The following LRP1B variants were observed in gnomAD, a reference collection of about 807,000 sequenced individuals.
The protein encoded by LRP1B is low-density lipoprotein receptor-related protein 1B.
LRP1B carries 217 observed loss-of-function variants against 556.6 expected under a neutral mutation model. The observed-to-expected ratio is 0.39, with a 90% CI of 0.35 to 0.44. The LOEUF (loss-of-function observed/expected upper bound fraction) is 0.44. LRP1B is among the 20% of genes least tolerant of loss of function. LRP1B has a pLI of 1.00. For synonymous variants in LRP1B, 2,047 were observed against 1,865.8 expected, an observed-to-expected ratio of 1.10 and a Z score of -2.50; for missense variants, 5,053 against 5,620.8, an observed-to-expected ratio of 0.90 and a Z score of 3.23.
rs568081593 is a variant in LRP1B at position 141,814,274 on chromosome 2, C to A, written c.83-3873G>T. On this transcript the variant is annotated intron_variant, in intron 1 of 90. Coordinates refer to ENST00000389484, the MANE Select transcript of LRP1B (RefSeq NM_018557.3). ...GGGTGTTTCCATATAGGGATGTGGGCTTTTTCTTATCTGGGGCCTACAGCT... is the reference window on the plus strand; with the variant it reads ...GGGTGTTTCCATATAGGGATGTGGGATTTTTCTTATCTGGGGCCTACAGCT... 4.9e-4 allele frequency among the ~76,000 whole-genome samples: 75 copies of A among 152,160 alleles called. 1 individual carries two copies. In the South Asian group the frequency reaches 0.014, roughly 29 times the overall value.
chr2:140,853,101 G>T (rs1476534710), intron 27 of LRP1B, among the ~76,000 whole-genome samples: 3 of 151,942 alleles, frequency 2.0e-5, no homozygotes, highest in Non-Finnish European at 4.4e-5. Flanking sequence ...AAGCAGGAAG[G>T]TCTCTGTGAC....
intron 87 of LRP1B, among the ~76,000 whole-genome samples, chr2:140,241,385 A>G (rs1680940726): frequency 6.6e-6 from 1 of 150,796 alleles, no homozygotes; most frequent in African/African-American, 2.4e-5. Flanking sequence ...TTTGTATAAA[A>G]TTGGTGGGTG....
At chr2:141,070,570 G>C (rs1699610680) in intron 7 of LRP1B, among the ~76,000 whole-genome samples, 2 of 151,980 alleles carry the variant, frequency 1.3e-5, no homozygotes, top group Admixed American at 6.6e-5. Context: ...CCAGGAGCTG[G>C]TTTTTTGAAA....
chr2:140,812,140 A>G (rs920630900), intron 32 of LRP1B, among the ~76,000 whole-genome samples: 3 of 152,166 alleles, frequency 2.0e-5, no homozygotes, highest in African/African-American at 7.2e-5. Context: ...ATTCTATCAC[A>G]TATCTGGAAA....
At chr2:141,573,518 C>T (rs914854888) in intron 2 of LRP1B, among the ~76,000 whole-genome samples, 15 of 151,444 alleles carry the variant, frequency 9.9e-5, no homozygotes, top group Middle Eastern at 3.4e-3. Flanking sequence ...GACACCCTAA[C>T]ATCACAATTA....
intron 21 of LRP1B, among the ~76,000 whole-genome samples, chr2:140,920,016 G>A (rs939273631): frequency 4.0e-5 from 6 of 151,698 alleles, no homozygotes; most frequent in Non-Finnish European, 7.4e-5. Context: ...TTCTTTACAC[G>A]AATTTCTACA....
At chr2:140,333,177 A>G (rs745992967) in intron 79 of LRP1B, among the ~76,000 whole-genome samples, 13 of 151,978 alleles carry the variant, frequency 8.6e-5, no homozygotes, top group Non-Finnish European at 1.6e-4. Flanking sequence ...CTCTTTCCTC[A>G]TATTCACTTC....
rs1355857143 is a variant in LRP1B, at chr2:142,130,725, G to C, written c.5C>G (p.Ser2Cys). 1 of 1,611,492 alleles carries C rather than the reference G, an allele frequency of 6.2e-7. No individual in the cohort carries two copies. Reference sequence around the variant, plus strand: ...AGTGAGTAAGGCGAGGAGAAACTCGGACATTGTGGTCGCCCGGTAAGGAAG... The same window carrying C: ...AGTGAGTAAGGCGAGGAGAAACTCGCACATTGTGGTCGCCCGGTAAGGAAG... M[S>C]EFLLALLTLS... The change falls in exon 1 of 91, where the codon TCC becomes TGC. Residue 2 changes from serine (S) to cysteine (C), a missense_variant. Ser to Cys is a moderately radical substitution (Grantham distance 112). This residue lies in a region of LRP1B where 3,619 missense variants were observed against 3,931.9 expected (regional missense o/e 0.92). Transcript: ENST00000389484.
intron 11 of LRP1B, among the ~76,000 whole-genome samples, chr2:141,022,257 TA>T (rs1374791593): frequency 2.0e-5 from 3 of 151,576 alleles, no homozygotes; most frequent in Non-Finnish European, 2.9e-5. Context: ...TAGCCTAGAT[TA>T]TTTTTTAAGG....
At chr2:141,514,390 T>G (rs1030933546) in intron 2 of LRP1B, among the ~76,000 whole-genome samples, 3 of 152,168 alleles carry the variant, frequency 2.0e-5, no homozygotes, top group Non-Finnish European at 4.4e-5. Flanking sequence ...GGGCCCCCCT[T>G]TCTCGTTGGC....
intron 3 of LRP1B, among the ~76,000 whole-genome samples, chr2:141,315,677 G>A (rs1357200930): frequency 1.3e-5 from 2 of 151,876 alleles, no homozygotes; most frequent in Admixed American, 6.6e-5. Flanking sequence ...AGGAAATGAT[G>A]TGATGAACTA....
chr2:141,237,234 A>G (rs999055123), intron 5 of LRP1B, among the ~76,000 whole-genome samples: 1 of 152,176 alleles, frequency 6.6e-6, no homozygotes, highest in Admixed American at 6.6e-5. Context: ...TATCATTAAA[A>G]GAAACAGTAA....
intron 1 of LRP1B, among the ~76,000 whole-genome samples, chr2:141,892,507 C>T (rs1699321426): frequency 6.6e-6 from 1 of 151,730 alleles, no homozygotes; most frequent in South Asian, 2.1e-4. Flanking sequence ...TGCATTGAAG[C>T]TTCTATGTCT....
rs2105122314 is a variant in LRP1B, at chr2:140,353,064, C to A, written c.11539G>T (p.Glu3847Ter). The A allele has an allele frequency of 6.2e-7, 1 of 1,612,766 alleles. No individual in the cohort carries two copies. Among genetic ancestry groups the A allele is most frequent in the South Asian group, 1.1e-5 (1 of 91,022 alleles). Residue 3847 changes from glutamate (E) to a stop codon, truncating the protein, a stop_gained, in exon 76 of 91, where the codon GAA becomes TAA. Coordinates refer to ENST00000389484, the MANE Select transcript of LRP1B (RefSeq NM_018557.3). LOFTEE classifies it high-confidence loss of function. Reference sequence around the variant, plus strand: ...GAACATGTGCCAAACACCAAACATTCATTAAGGTCTAGAAAAGAAGAGCTC... The same window carrying A: ...GAACATGTGCCAAACACCAAACATTAATTAAGGTCTAGAAAAGAAGAGCTC... ...MKNRQCEDLN[E>*]CLVFGTCSHQ...
intron 3 of LRP1B, among the ~76,000 whole-genome samples, chr2:141,281,552 C>T (rs1685510117): frequency 1.3e-5 from 2 of 151,946 alleles, no homozygotes; most frequent in South Asian, 4.1e-4. Flanking sequence ...AATATTTTTA[C>T]TTATGTCTTT....
intron 3 of LRP1B, among the ~76,000 whole-genome samples, chr2:141,441,809 G>T (rs1001320401): frequency 8.5e-5 from 13 of 152,148 alleles, no homozygotes; most frequent in African/African-American, 3.1e-4. Context: ...TTTCAATAAT[G>T]CAAGTTGAAC....
intron 82 of LRP1B, among the ~76,000 whole-genome samples, chr2:140,315,887 G>A (rs1197178054): frequency 6.6e-6 from 1 of 152,054 alleles, no homozygotes; most frequent in Admixed American, 6.6e-5. Context: ...CAAACTAAAA[G>A]TCATTGAGAT....
intron 1 of LRP1B, among the ~76,000 whole-genome samples, chr2:142,087,092 A>G (rs1705969074): frequency 6.6e-6 from 1 of 152,192 alleles, no homozygotes; most frequent in Non-Finnish European, 1.5e-5. Flanking sequence ...CAATAAATAT[A>G]GTAAAGAATG....
intron 3 of LRP1B, among the ~76,000 whole-genome samples, chr2:141,392,460 TAAA>T (rs10636398): frequency 7.3e-5 from 7 of 96,080 alleles, no homozygotes; most frequent in Admixed American, 2.4e-4. Context: ...TGTCCTCTCT[TAAA>T]AAAAAAAAAA....
Sources: gnomAD v4.1 joint callset for allele counts (sites outside exome capture counted in the v4.1 genomes callset) on GRCh38, gnomAD v4.1.1 for gene constraint, gnomAD v4.1.1 regional missense constraint, MANE v1.5 for transcripts, NCBI Gene and HGNC (gene_info 2026-07-23, HGNC 2026-07-21) for gene names.